The following ANKRD12 variants were observed in gnomAD, a reference collection of about 807,000 sequenced individuals.
The protein encoded by ANKRD12 is ankyrin repeat domain 12.
A neutral mutation model predicts 183.4 loss-of-function variants in ANKRD12; 85 were observed. The ratio of observed to expected loss-of-function variants is 0.46; its 90% CI spans 0.39 to 0.56. The LOEUF (loss-of-function observed/expected upper bound fraction) is 0.56. Ranked by LOEUF, ANKRD12 falls within the 20% of genes least tolerant of loss-of-function variation. ANKRD12 has a pLI of 0.00. For synonymous variants in ANKRD12, 914 were observed against 800.2 expected, an observed-to-expected ratio of 1.14 and a Z score of -2.40; for missense variants, 2,405 against 2,357.1, an observed-to-expected ratio of 1.02 and a Z score of -0.42.
chr18:9,191,206 C>G (rs149162985), intron 2 of ANKRD12, among the ~76,000 whole-genome samples: 11 of 152,302 alleles, frequency 7.2e-5, no homozygotes, highest in South Asian at 6.2e-4. Flanking sequence ...AGATAATAAA[C>G]CTAACAGAGT....
chr18:9,285,919 CTTG>C lies in ANKRD12; in HGVS notation c.*4797_*4799del, dbSNP rs1473329428. 2 of 152,148 alleles carry C rather than the reference CTTG, an allele frequency of 1.3e-5. No homozygotes were observed. The highest frequency in any genetic ancestry group is 4.8e-5 in the African/African-American group (2 of 41,430). The allele number at this position is 152,148 out of a possible 1,614,324, so 9.4% of individuals were successfully genotyped here. On this transcript the variant is annotated 3_prime_UTR_variant, in exon 13 of 13. Coordinates refer to ENST00000262126, the MANE Select transcript of ANKRD12 (RefSeq NM_015208.5). ...TTGTACAAATTTGTTTATTCGTTCT[CTTG>C]TTGGTATTTGGATTGTTTCCAGTTT...
chr18:9,183,391 T>C (rs544279264), intron 2 of ANKRD12, among the ~76,000 whole-genome samples: 398 of 152,332 alleles, frequency 2.6e-3, no homozygotes, highest in Non-Finnish European at 4.6e-3. Flanking sequence ...GAATAGCTCT[T>C]CATTTACTTA....
intron 7 of ANKRD12, among the ~76,000 whole-genome samples, chr18:9,217,674 A>C (rs562647326): frequency 6.6e-6 from 1 of 152,084 alleles, no homozygotes; most frequent in Non-Finnish European, 1.5e-5. Context: ...CCAGTGGTCT[A>C]CTCTTTTCTC....
At chr18:9,138,943 A>G (rs959304123) in intron 1 of ANKRD12, among the ~76,000 whole-genome samples, 4 of 152,240 alleles carry the variant, frequency 2.6e-5, no homozygotes, top group Non-Finnish European at 5.9e-5. Flanking sequence ...TTAGAGACAG[A>G]TGAGGTGTTA....
rs180909053 is a variant in ANKRD12 at position 9,233,847 on chromosome 18, A to G, written c.943+11848A>G. 5.6e-4 allele frequency among the ~76,000 whole-genome samples: 85 copies of G among 152,244 alleles called. 2 individuals carry two copies. The highest frequency in any genetic ancestry group is 5.5e-3 in the Admixed American group (84 of 15,286). ...GCCTTATTCTGAGCCCCAGCCCATCATATTCTGGCACTGGTGTCAGCAGGA... is the reference window on the plus strand; with the variant it reads ...GCCTTATTCTGAGCCCCAGCCCATCGTATTCTGGCACTGGTGTCAGCAGGA... On this transcript the variant is annotated intron_variant, in intron 8 of 12. Transcript: ENST00000262126.
In ANKRD12 at chr18:9,256,405, A is replaced by T; in HGVS notation, c.3138A>T (p.Lys1046Asn). ...AAATAAATAGCTTACTCAAACTAAA[A>T]TCTGAAGCAGATAAGCCTAAACCTA... ...KIQINSLLKL[K>N]SEADKPKPKS... is the part of the protein sequence containing the mutation. Residue 1046 changes from lysine to asparagine, a missense_variant, in exon 9 of 13, where the codon AAA becomes AAT. Physicochemically the swap from Lys to Asn is moderately conservative, Grantham distance 94. Transcript: ENST00000262126. 1 of 1,610,780 alleles carries T rather than the reference A, an allele frequency of 6.2e-7. No individual in the cohort carries two copies. Among genetic ancestry groups the T allele is most frequent in the Non-Finnish European group, 8.5e-7 (1 of 1,179,132 alleles).
intron 1 of ANKRD12, among the ~76,000 whole-genome samples, chr18:9,169,355 T>C (rs2032440450): frequency 6.6e-6 from 1 of 152,202 alleles, no homozygotes; most frequent in Non-Finnish European, 1.5e-5. Context: ...TTAAGTCTCT[T>C]TGTAGGTCAC....
intron 10 of ANKRD12, among the ~76,000 whole-genome samples, chr18:9,266,927 T>C (rs868598557): frequency 1.2e-4 from 19 of 152,028 alleles, no homozygotes; most frequent in African/African-American, 3.6e-4. Flanking sequence ...GGAAGATCTA[T>C]CAAGCAAATG....
In ANKRD12 at chr18:9,255,409, A is replaced by G; in HGVS notation, c.2142A>G (p.Glu714=). The G allele has an allele frequency of 7.0e-6, 11 of 1,581,206 alleles. No homozygotes were observed. Among genetic ancestry groups the G allele is most frequent in the Non-Finnish European group, 9.4e-6 (11 of 1,170,878 alleles). ...CTGAAGATCTCTTTTTAAATATGGAACATGAATCCTTAACATTAGAAAAAA... is the reference window on the plus strand; with the variant it reads ...CTGAAGATCTCTTTTTAAATATGGAGCATGAATCCTTAACATTAGAAAAAA... ...DETEDLFLNM[E]HESLTLEKKS... The change falls in exon 9 of 13, where the codon GAA becomes GAG. Residue 714 remains glutamate, a synonymous_variant. Transcript: ENST00000262126.
Position 9,282,906 on chromosome 18 carries a change from G to GT in ANKRD12, c.*1784dup, listed in dbSNP as rs993913089. 6.6e-6 allele frequency: 1 copy of GT among 152,522 alleles called. No individual in the cohort carries two copies. The highest frequency in any genetic ancestry group is 2.4e-5 in the African/African-American group (1 of 41,430). The allele number at this position is 152,522 out of a possible 1,614,324, so 9.4% of individuals were successfully genotyped here. A position where few individuals can be genotyped will look rare whatever the true frequency, so the allele number is the denominator to read the frequency against. On this transcript the variant is annotated 3_prime_UTR_variant, in exon 13 of 13. Coordinates refer to ENST00000262126, the MANE Select transcript of ANKRD12 (RefSeq NM_015208.5). Reference sequence around the variant, plus strand: ...GACTTTATTATAAAGGTTGGATGTAGTTTTCCTTAGAAATTTAGGTGAGAG... The same window carrying GT: ...GACTTTATTATAAAGGTTGGATGTAGTTTTTCCTTAGAAATTTAGGTGAGAG...
At chr18:9,245,258 T>C (rs1258330285) in intron 8 of ANKRD12, among the ~76,000 whole-genome samples, 2 of 149,754 alleles carry the variant, frequency 1.3e-5, no homozygotes, top group African/African-American at 2.5e-5. Flanking sequence ...GAGAGCAGCC[T>C]GGGCAACATG....
chr18:9,229,590 G>A (rs528184116), intron 8 of ANKRD12, among the ~76,000 whole-genome samples: 1 of 152,088 alleles, frequency 6.6e-6, no homozygotes, highest in African/African-American at 2.4e-5. Flanking sequence ...AGATTGCCTT[G>A]ATTTCTTTTT....
chr18:9,259,606 A>G (rs1183972211), intron 9 of ANKRD12: 1 of 152,226 alleles, frequency 6.6e-6, no homozygotes, highest in Non-Finnish European at 1.5e-5. Flanking sequence ...GTTGTGTCAA[A>G]TATTGTTCTA....
intron 1 of ANKRD12, among the ~76,000 whole-genome samples, chr18:9,143,964 A>C (rs2078408496): frequency 6.6e-6 from 1 of 152,216 alleles, no homozygotes; most frequent in Non-Finnish European, 1.5e-5. Context: ...TTTCTTGGAA[A>C]GCCCCATTGA....
intron 1 of ANKRD12, among the ~76,000 whole-genome samples, chr18:9,141,580 C>T (rs1296720816): frequency 6.6e-6 from 1 of 152,136 alleles, no homozygotes; most frequent in Non-Finnish European, 1.5e-5. Flanking sequence ...ATGCTTCCAA[C>T]TTAAAGGAGG....
In ANKRD12 at chr18:9,256,247, C is replaced by T. The variant is rs867034057; in HGVS notation, c.2980C>T (p.His994Tyr). 6.2e-7 allele frequency: 1 copy of T among 1,601,604 alleles called. No homozygotes were observed. The highest frequency in any genetic ancestry group is 2.2e-5 in the East Asian group (1 of 44,552). Residue 994 changes from histidine to tyrosine, a missense_variant, in exon 9 of 13, where the codon CAT becomes TAT. This residue lies in a region of ANKRD12 where 1,983 missense variants were observed against 1,725.9 expected (regional missense o/e 1.15). Coordinates refer to ENST00000262126, the MANE Select transcript of ANKRD12 (RefSeq NM_015208.5). ...SSIVDGNKAQ[H>Y]EKPLSLKEKT... The stretch of plus-strand genomic sequence containing the variant: ...TATAGTAGACGGTAATAAAGCACAA[C>T]ATGAAAAACCCTTATCCCTTAAAGA...
rs781032105 is a variant in ANKRD12, at chr18:9,256,683, C to G, written c.3416C>G (p.Thr1139Ser). The change falls in exon 9 of 13, where the codon ACT becomes AGT. Residue 1139 changes from threonine (T) to serine (S), a missense_variant. Coordinates refer to ENST00000262126, the MANE Select transcript of ANKRD12 (RefSeq NM_015208.5). ...TPTESKNKEL[T>S]RSKSSEVTDA... ...ACTGAATCCAAAAATAAAGAACTTA[C>G]TAGGTCAAAGAGTTCAGAAGTGACT... 6.2e-7 allele frequency: 1 copy of G among 1,606,532 alleles called. No individual in the cohort carries two copies. The highest frequency in any genetic ancestry group is 8.5e-7 in the Non-Finnish European group (1 of 1,178,266).
In ANKRD12 at chr18:9,204,531, C is replaced by A; in HGVS notation, c.291C>A (p.Tyr97Ter). ...GGGGGGAGAGACTTATATCTTCTTACAGGACATACTCAGGTAATTAGATTA... is the reference window on the plus strand; with the variant it reads ...GGGGGGAGAGACTTATATCTTCTTAAAGGACATACTCAGGTAATTAGATTA... The part of the protein sequence containing the change: ...ENWGERLISS[Y>*]RTYSEKEGPE... The change falls in exon 4 of 13, where the codon TAC becomes TAA. Residue 97 changes from tyrosine to a stop codon, truncating the protein, a stop_gained. Coordinates refer to ENST00000262126, the MANE Select transcript of ANKRD12 (RefSeq NM_015208.5). LOFTEE classifies it high-confidence loss of function. The A allele has an allele frequency of 1.3e-6, 2 of 1,594,514 alleles. No homozygotes were observed. Among genetic ancestry groups the A allele is most frequent in the Non-Finnish European group, 1.7e-6 (2 of 1,166,724 alleles).
At chr18:9,224,744 AG>A (rs1375819719) in intron 8 of ANKRD12, among the ~76,000 whole-genome samples, 1 of 152,244 alleles carries the variant, frequency 6.6e-6, no homozygotes, top group Admixed American at 6.5e-5. Flanking sequence ...TTAACATATT[AG>A]TGCTTATAAT....
Sources: gnomAD v4.1 joint callset for allele counts (sites outside exome capture counted in the v4.1 genomes callset) on GRCh38, gnomAD v4.1.1 for gene constraint, gnomAD v4.1.1 regional missense constraint, MANE v1.5 for transcripts, NCBI Gene and HGNC (gene_info 2026-07-23, HGNC 2026-07-21) for gene names.